Variants in PIK3C2G observed in about 807,000 individuals in gnomAD.
PIK3C2G encodes phosphatidylinositol 3-kinase C2 domain-containing subunit gamma.
PIK3C2G carries 168 observed loss-of-function variants against 181.1 expected under a neutral mutation model. That is an observed-to-expected ratio of 0.93 (90% CI 0.82 to 1.05). The LOEUF (loss-of-function observed/expected upper bound fraction) is 1.05, where lower values mean the gene tolerates loss of function less well. PIK3C2G is among the 50% of genes least tolerant of loss of function. The pLI, the probability that PIK3C2G is intolerant of heterozygous loss-of-function variation, is 0.00. For missense variants in PIK3C2G, 1,869 were observed against 1,732.8 expected (o/e 1.08, Z -1.40); for synonymous variants, 573 against 592.2 (o/e 0.97, Z 0.47).
the PIK3C2G span, among the ~76,000 whole-genome samples, chr12:18,695,781 A>G: frequency 6.6e-6 from 1 of 152,144 alleles, no homozygotes; most frequent in Non-Finnish European, 1.5e-5. Context: ...GTAGAAGCTC[A>G]TGTAAAGTAT....
At chr12:18,573,730 C>T (rs1314557207) in intron 29 of PIK3C2G, among the ~76,000 whole-genome samples, 2 of 152,316 alleles carry the variant, frequency 1.3e-5, no homozygotes, top group East Asian at 1.9e-4. Flanking sequence ...ATCACCCAAG[C>T]TACCCCTGGT....
chr12:18,246,884 A>C (rs547754977), upstream of PIK3C2G, among the ~76,000 whole-genome samples: 1 of 152,326 alleles, frequency 6.6e-6, no homozygotes, highest in Non-Finnish European at 1.5e-5. Context: ...GTGTATAAGA[A>C]GACGAATACT....
chr12:18,277,209 A>G (rs1421300482), intron 1 of PIK3C2G, among the ~76,000 whole-genome samples: 1 of 152,182 alleles, frequency 6.6e-6, no homozygotes, highest in African/African-American at 2.4e-5. Flanking sequence ...TTTATACACC[A>G]AATTGAACTG....
At chr12:18,477,390 G>A (rs58639523) in intron 18 of PIK3C2G, among the ~76,000 whole-genome samples, 1,960 of 152,190 alleles carry the variant, frequency 0.013, 47 homozygotes, top group African/African-American at 0.046. Context: ...CATTTGAAAC[G>A]AACTGATAGA....
At chr12:18,276,585 C>T (rs1948996720) in intron 1 of PIK3C2G, among the ~76,000 whole-genome samples, 1 of 152,050 alleles carries the variant, frequency 6.6e-6, no homozygotes, top group Admixed American at 6.6e-5. Flanking sequence ...GCAAAATAAG[C>T]TTAATAATAT....
chr12:18,715,280 A>G, the PIK3C2G span, among the ~76,000 whole-genome samples: 75 of 150,580 alleles, frequency 5.0e-4, no homozygotes, highest in African/African-American at 1.2e-3. Flanking sequence ...CTGATGAGGA[A>G]GTAAGGCTTT....
intron 30 of PIK3C2G, among the ~76,000 whole-genome samples, chr12:18,605,873 A>G (rs1474527917): frequency 1.3e-5 from 2 of 152,102 alleles, no homozygotes; most frequent in Non-Finnish European, 2.9e-5. Context: ...GGCTTTGGAG[A>G]TCACTTAAAC....
At chr12:18,653,093 ACAGG>A (rs1249870349), downstream of PIK3C2G, among the ~76,000 whole-genome samples, 1 of 152,074 alleles carries the variant, frequency 6.6e-6, no homozygotes, top group African/African-American at 2.4e-5. Context: ...CTCAAAAAGC[ACAGG>A]CTGGAAAAAA....
intron 11 of PIK3C2G, among the ~76,000 whole-genome samples, chr12:18,354,129 GTC>G (rs1047957672): frequency 9.9e-5 from 15 of 152,240 alleles, no homozygotes; most frequent in African/African-American, 3.6e-4. Context: ...GTAACATAAC[GTC>G]TTTCTAGGAG....
rs375690359 is a variant in PIK3C2G at position 18,592,484 on chromosome 12, G to A, written c.4012-2010G>A. 2.0e-5 allele frequency among the ~76,000 whole-genome samples: 3 copies of A among 151,922 alleles called. No individual in the cohort carries two copies. In the East Asian group the frequency reaches 5.8e-4, roughly 29 times the overall value. ...TATATGTATGTAGTTTTTAAGAGAG[G>A]GCTTGTTAGAGAAGATAATTAGAGC... On this transcript the variant is annotated intron_variant, in intron 29 of 32. Transcript: ENST00000538779.
At chr12:18,320,785 A>G (rs1951074232) in intron 6 of PIK3C2G, among the ~76,000 whole-genome samples, 177 bp from the exon 7 acceptor site, 1 of 152,232 alleles carries the variant, frequency 6.6e-6, no homozygotes, top group Non-Finnish European at 1.5e-5. Context: ...TTTACTTTTG[A>G]AAAGGCTTAT....
intron 7 of PIK3C2G, 97 bp from the exon 8 acceptor site, chr12:18,324,937 TA>T (rs1951269312): frequency 1.6e-6 from 1 of 636,928 alleles, no homozygotes; most frequent in African/African-American, 1.9e-5. Flanking sequence ...CCTACGATAG[TA>T]TCATGGGCAA....
At chr12:18,656,200 G>A in the PIK3C2G span, among the ~76,000 whole-genome samples, 1 of 152,088 alleles carries the variant, frequency 6.6e-6, no homozygotes, top group African/African-American at 2.4e-5. Flanking sequence ...AAGTTGAGAC[G>A]GAAGCATCAT....
intron 25 of PIK3C2G, among the ~76,000 whole-genome samples, chr12:18,540,948 G>A (rs1292812235): frequency 6.6e-6 from 1 of 151,846 alleles, no homozygotes; most frequent in Non-Finnish European, 1.5e-5. Flanking sequence ...GATCATCAAA[G>A]CATTTAGTGA....
chr12:18,300,333 T>C (rs1950121486), intron 5 of PIK3C2G, among the ~76,000 whole-genome samples: 2 of 152,046 alleles, frequency 1.3e-5, no homozygotes, highest in African/African-American at 4.8e-5. Context: ...AGAATAGTTA[T>C]ATGCTCTTGC....
chr12:18,627,071 T>C (rs777034792), intron 31 of PIK3C2G, among the ~76,000 whole-genome samples: 43 of 152,060 alleles, frequency 2.8e-4, no homozygotes, highest in Non-Finnish European at 5.1e-4. Context: ...TTCCATTTTT[T>C]TTTTCTTTTT....
At chr12:18,277,596 C>G (rs542454165) in intron 1 of PIK3C2G, among the ~76,000 whole-genome samples, 56 of 152,170 alleles carry the variant, frequency 3.7e-4, no homozygotes, top group African/African-American at 1.3e-3. Context: ...TTATTTCTTC[C>G]ACACTCCTCT....
intron 5 of PIK3C2G, among the ~76,000 whole-genome samples, chr12:18,306,859 G>T (rs1315725301): frequency 1.3e-5 from 2 of 151,798 alleles, no homozygotes; most frequent in Non-Finnish European, 2.9e-5. Flanking sequence ...AAATCAAATA[G>T]AAATCGTTTA....
chr12:18,713,546 G>T, the PIK3C2G span, among the ~76,000 whole-genome samples: 1 of 152,140 alleles, frequency 6.6e-6, no homozygotes, highest in African/African-American at 2.4e-5. Flanking sequence ...TACACAGTAT[G>T]GAAGCTAGAG....
Sources: gnomAD v4.1 joint callset for allele counts (sites outside exome capture counted in the v4.1 genomes callset) on GRCh38, gnomAD v4.1.1 for gene constraint, MANE v1.5 for transcripts, NCBI Gene and HGNC (gene_info 2026-07-23, HGNC 2026-07-21) for gene names.